The following PTPRD variants were observed in gnomAD, a reference collection of about 807,000 sequenced individuals.
PTPRD encodes protein tyrosine phosphatase receptor type D, also known as receptor-type tyrosine-protein phosphatase delta.
In PTPRD, 34 loss-of-function variants were observed where a neutral mutation model predicts 214.5. The observed-to-expected ratio is 0.16, with a 90% CI of 0.12 to 0.21. PTPRD has a LOEUF of 0.21. PTPRD is among the 10% of genes least tolerant of loss of function. The pLI is 1.00. For synonymous variants in PTPRD, 1,128 were observed against 845.7 expected (o/e 1.33, Z -5.79); for missense variants, 2,545 against 2,398.7 (o/e 1.06, Z -1.27).
intron 14 of PTPRD, among the ~76,000 whole-genome samples, chr9:8,623,664 T>C (rs2095893159): frequency 6.6e-6 from 1 of 151,956 alleles, no homozygotes; most frequent in South Asian, 2.1e-4. Flanking sequence ...CAGCTTTACA[T>C]GGATTATCTC....
intron 11 of PTPRD, among the ~76,000 whole-genome samples, chr9:8,932,188 T>C (rs1281581062): frequency 6.6e-6 from 1 of 152,180 alleles, no homozygotes; most frequent in Admixed American, 6.5e-5. Context: ...AAGTGTTTCT[T>C]GCCTTCTGCT....
chr9:10,564,187 T>TTTTTTTTTTTTTG, intron 2 of PTPRD, among the ~76,000 whole-genome samples: 2 of 119,962 alleles, frequency 1.7e-5, no homozygotes, highest in Non-Finnish European at 3.5e-5. Context: ...TTTTTTTTTT[T>TTTTTTTTTTTTTG]TTTTTTTTGA....
rs184739967 is a variant in PTPRD, at chr9:9,685,016, C to G, written c.-287+49517G>C. 8.0e-3 allele frequency among the ~76,000 whole-genome samples: 1,218 copies of G among 151,564 alleles called. 12 individuals carry two copies. Among genetic ancestry groups the G allele is most frequent in the African/African-American group, 0.028 (1,157 of 41,460 alleles). On this transcript the variant is annotated intron_variant, in intron 7 of 45. Transcript: ENST00000381196. ...GAAGCCCATGTCCTTAGAACACAGT[C>G]AGCACTTAAGAATTATTATCTATTT...
At chr9:9,070,693 C>T (rs920587478) in intron 10 of PTPRD, among the ~76,000 whole-genome samples, 1 of 152,118 alleles carries the variant, frequency 6.6e-6, no homozygotes, top group South Asian at 2.1e-4. Context: ...TGTACTGAAG[C>T]CTCATTTGAA....
intron 11 of PTPRD, among the ~76,000 whole-genome samples, chr9:8,836,391 C>T (rs889080334): frequency 1.3e-5 from 2 of 152,030 alleles, no homozygotes; most frequent in African/African-American, 2.4e-5. Flanking sequence ...CAATACTCTT[C>T]TTGGATTGTT....
chr9:9,786,183 C>T (rs975088221), intron 5 of PTPRD, among the ~76,000 whole-genome samples: 2 of 152,074 alleles, frequency 1.3e-5, no homozygotes, highest in Non-Finnish European at 2.9e-5. Flanking sequence ...TTATTGATTG[C>T]CATTATTTGC....
At chr9:10,587,575 G>C (rs1195156531) in intron 2 of PTPRD, among the ~76,000 whole-genome samples, 1 of 151,948 alleles carries the variant, frequency 6.6e-6, no homozygotes, top group Non-Finnish European at 1.5e-5. Context: ...AAAAATACCT[G>C]ATCCAGATTA....
At chr9:9,786,579 A>G (rs2098925950) in intron 5 of PTPRD, among the ~76,000 whole-genome samples, 1 of 152,188 alleles carries the variant, frequency 6.6e-6, no homozygotes, top group Admixed American at 6.5e-5. Context: ...TGCTGGTAGA[A>G]GCAAGACGAG....
chr9:10,360,000 A>T (rs150192459), intron 2 of PTPRD, among the ~76,000 whole-genome samples: 1 of 152,298 alleles, frequency 6.6e-6, no homozygotes, highest in East Asian at 1.9e-4. Flanking sequence ...TCAGCTACAG[A>T]TTTACATTTT....
intron 9 of PTPRD, among the ~76,000 whole-genome samples, chr9:9,390,035 G>A (rs2065250014): frequency 6.6e-6 from 1 of 152,172 alleles, no homozygotes; most frequent in East Asian, 1.9e-4. Context: ...TTGCGGTAGG[G>A]TGACATTTCA....
chr9:8,959,691 A>T (rs1033808004), intron 11 of PTPRD, among the ~76,000 whole-genome samples: 1 of 152,066 alleles, frequency 6.6e-6, no homozygotes, highest in African/African-American at 2.4e-5. Flanking sequence ...TTAATGAAAG[A>T]ATCATTGAGT....
chr9:9,613,373 G>C (rs2094647482), intron 7 of PTPRD, among the ~76,000 whole-genome samples: 2 of 151,810 alleles, frequency 1.3e-5, no homozygotes, highest in South Asian at 4.2e-4. Context: ...GAAAGACATT[G>C]GCTTGAGTTC....
At chr9:9,278,164 T>C (rs901192164) in intron 9 of PTPRD, among the ~76,000 whole-genome samples, 1 of 151,380 alleles carries the variant, frequency 6.6e-6, no homozygotes, top group African/African-American at 2.4e-5. Flanking sequence ...CAATATACTA[T>C]GATCTGAGGG....
chr9:8,961,158 G>A (rs1245200709), intron 11 of PTPRD, among the ~76,000 whole-genome samples: 1 of 152,034 alleles, frequency 6.6e-6, no homozygotes, highest in Non-Finnish European at 1.5e-5. Flanking sequence ...GGGGGACAGG[G>A]GAAGACTTCA....
In PTPRD at chr9:8,940,282, T is replaced by TTGTTTG. The variant is rs1555558849; in HGVS notation, c.-104+78414_-104+78415insCAAACA. Among the ~76,000 whole-genome samples, 43 of 59,686 alleles carry TTGTTTG rather than the reference T, an allele frequency of 7.2e-4. 2 individuals are homozygous for TTGTTTG. The highest frequency in any genetic ancestry group is 3.6e-3 in the African/African-American group (42 of 11,542). 39.2% of individuals were successfully genotyped at this position (59,686 alleles called of 152,430 possible). On this transcript the variant is annotated intron_variant, in intron 11 of 45. Transcript: ENST00000381196. Reference sequence around the variant, plus strand: ...ACACATCTCTCTCTCTCTCTCTCCTTTTTTTTTTTTTTTTTTTTGAGATGG... The same window carrying TTGTTTG: ...ACACATCTCTCTCTCTCTCTCTCCTTTGTTTGTTTTTTTTTTTTTTTTTTGAGATGG...
chr9:8,861,065 C>T (rs918864938), intron 11 of PTPRD: 3 of 152,222 alleles, frequency 2.0e-5, no homozygotes, highest in African/African-American at 7.2e-5. Context: ...AAATAGCACA[C>T]AGGAGCTTTG....
chr9:10,522,670 T>C (rs1432944384), intron 2 of PTPRD, among the ~76,000 whole-genome samples: 1 of 152,032 alleles, frequency 6.6e-6, no homozygotes, highest in Non-Finnish European at 1.5e-5. Context: ...TGAACCATCA[T>C]ATAATGTTTT....
At chr9:10,032,291 T>C (rs903250627) in intron 4 of PTPRD, among the ~76,000 whole-genome samples, 7 of 152,280 alleles carry the variant, frequency 4.6e-5, no homozygotes, top group Admixed American at 2.6e-4. Flanking sequence ...CTAAAGACAT[T>C]ACTAAGAAAA....
At chr9:9,071,698 A>C (rs1312605228) in intron 10 of PTPRD, among the ~76,000 whole-genome samples, 1 of 152,202 alleles carries the variant, frequency 6.6e-6, no homozygotes, top group Non-Finnish European at 1.5e-5. Context: ...CTACAGATGA[A>C]AATGCAACCC....
Sources: allele counts gnomAD v4.1 joint callset (sites outside exome capture counted in the v4.1 genomes callset), GRCh38; gene constraint gnomAD v4.1.1; transcripts MANE v1.5; gene names NCBI Gene and HGNC (gene_info 2026-07-23, HGNC 2026-07-21).